The following CACNA1H variants were observed in gnomAD, a reference collection of about 807,000 sequenced individuals.
CACNA1H encodes the protein voltage-dependent T-type calcium channel subunit alpha-1H.
A neutral mutation model predicts 192.5 loss-of-function variants in CACNA1H; 149 were observed. The ratio of observed to expected loss-of-function variants is 0.77; its 90% CI spans 0.68 to 0.89. CACNA1H has a LOEUF of 0.89. Ranked by LOEUF, CACNA1H falls within the 40% of genes least tolerant of loss-of-function variation. The probability of loss-of-function intolerance (pLI) is 0.00; values close to 1 mark genes in which losing one functional copy is unlikely to be tolerated. For synonymous variants in CACNA1H, 2,202 were observed against 1,475.2 expected (o/e 1.49, Z -11.29); for missense variants, 4,257 against 3,423.5 (o/e 1.24, Z -6.08).
Position 1,188,828 on chromosome 16 carries a change from C to T in CACNA1H, c.300-6144C>T, listed in dbSNP as rs140142129. Among the ~76,000 whole-genome samples the T allele has an allele frequency of 2.1e-3, 318 of 152,340 alleles. 1 individual carries two copies. The highest frequency in any genetic ancestry group is 7.4e-3 in the African/African-American group (308 of 41,588). ...TGTCCCCCCACACCTAACCCCGGCC[C>T]TCCCAGCCCTGGTACATCCAGGACA... is the stretch of plus-strand genomic sequence containing the variant. On this transcript the variant is annotated intron_variant, in intron 2 of 34. Coordinates refer to ENST00000348261, the MANE Select transcript of CACNA1H (RefSeq NM_021098.3).
At chr16:1,169,637 C>A (rs745477106) in intron 2 of CACNA1H, among the ~76,000 whole-genome samples, 1 of 152,262 alleles carries the variant, frequency 6.6e-6, no homozygotes, top group Admixed American at 6.5e-5. Flanking sequence ...CCGGTGCTTC[C>A]CTCGGAGATC....
rs761031788 is a variant in CACNA1H at position 1,207,017 on chromosome 16, CT to C, written c.2810del (p.Phe937SerfsTer7). The C allele has an allele frequency of 6.3e-7, 1 of 1,593,198 alleles. No individual in the cohort carries two copies. Among genetic ancestry groups the C allele is most frequent in the Admixed American group, 1.7e-5 (1 of 57,342 alleles). On this transcript the variant is annotated frameshift_variant, in exon 13 of 35. Transcript: ENST00000348261. LOFTEE classifies it high-confidence loss of function. ...IFIFSILGMH[L>X]FGCKFSLKTD... ...CACCCTCAGCATCCTGGGCATGCAC[CT>C]TTTCGGCTGCAAGTTCAGCCTGAAG...
intron 6 of CACNA1H, chr16:1,199,001 C>CT (rs1967364143): frequency 1.8e-6 from 1 of 544,620 alleles, no homozygotes; most frequent in Non-Finnish European, 3.3e-6. Context: ...GCTCCGCCCA[C>CT]GGTGCAGTCG....
intron 2 of CACNA1H, among the ~76,000 whole-genome samples, chr16:1,187,413 G>T (rs1434866470): frequency 6.6e-6 from 1 of 152,222 alleles, no homozygotes; most frequent in Non-Finnish European, 1.5e-5. Context: ...CTGAGTGGGG[G>T]GCTGTGGCCC....
At chr16:1,169,613 CGGCTCCCG>C (rs974623618) in intron 2 of CACNA1H, among the ~76,000 whole-genome samples, 2 of 152,246 alleles carry the variant, frequency 1.3e-5, no homozygotes, top group South Asian at 4.1e-4. Context: ...GCCCATCAGC[CGGCTCCCG>C]GGCTCCCGGT....
At chr16:1,166,298 C>T (rs929025290) in intron 2 of CACNA1H, among the ~76,000 whole-genome samples, 1 of 152,162 alleles carries the variant, frequency 6.6e-6, no homozygotes, top group Non-Finnish European at 1.5e-5. Context: ...GAGACAGGAG[C>T]TCCCTGTGGC....
At position 1,155,431 on chromosome 16, in the gene CACNA1H, G is replaced by T. The variant is rs79329915; in HGVS notation, c.299+1395G>T. ...AGGCGGGAGGTGGTCATGCCCCTTTGTTCTGGTAGGAGGTGACTGGGTGTG... is the reference window on the plus strand; with the variant it reads ...AGGCGGGAGGTGGTCATGCCCCTTTTTTCTGGTAGGAGGTGACTGGGTGTG... On this transcript the variant is annotated intron_variant, in intron 2 of 34. Coordinates refer to ENST00000348261, the MANE Select transcript of CACNA1H (RefSeq NM_021098.3). Among the ~76,000 whole-genome samples, 1,420 of 152,294 alleles carry T rather than the reference G, an allele frequency of 9.3e-3. 29 individuals carry two copies. Among genetic ancestry groups the T allele is most frequent in the African/African-American group, 0.031 (1,305 of 41,552 alleles).
intron 2 of CACNA1H, among the ~76,000 whole-genome samples, chr16:1,187,338 C>T (rs1177437425): frequency 1.3e-5 from 2 of 152,160 alleles, no homozygotes; most frequent in African/African-American, 4.8e-5. Flanking sequence ...GAGGGGAGCA[C>T]GTGGCTAAGA....
intron 1 of CACNA1H, 62 bp from the exon 2 acceptor site, chr16:1,153,633 GGCCGCGGCTGTTCCCGCAGCTCCGC>G: frequency 2.4e-6 from 2 of 828,362 alleles, no homozygotes; most frequent in Non-Finnish European, 1.6e-6. Context: ...ACATCCCGGC[GGCCGCGGCTGTTCCCGCAGCTCCGC>G]GCCGCGGGAG....
intron 9 of CACNA1H, 97 bp from the exon 10 acceptor site, chr16:1,203,913 G>C: frequency 2.4e-6 from 2 of 847,130 alleles, no homozygotes; most frequent in East Asian, 2.7e-5. Flanking sequence ...TTCTGGGGGG[G>C]ACACATTCAC....
rs181892888 is a variant in CACNA1H, at chr16:1,204,037, C to T, written c.2030C>T (p.Ser677Leu). 551 of 1,570,902 alleles carry T rather than the reference C, an allele frequency of 3.5e-4. 3 individuals are homozygous for T. In the East Asian group the frequency reaches 1.0e-2, roughly 28 times the overall value. The change falls in exon 10 of 35, where the codon TCG becomes TTG. Residue 677 changes from serine (S) to leucine (L), a missense_variant. Transcript: ENST00000348261. ...CTGGGCCAGGCCCCTGGCCATCTGTCGGGCCTCAGTGTGCCCTGCCCCCTG... is the reference window on the plus strand; with the variant it reads ...CTGGGCCAGGCCCCTGGCCATCTGTTGGGCCTCAGTGTGCCCTGCCCCCTG... ...HGLGQAPGHLSGLSVPCPLPS... is the reference protein window; with the variant it reads ...HGLGQAPGHLLGLSVPCPLPS...
At chr16:1,160,220 C>T (rs897244845) in intron 2 of CACNA1H, 1 of 152,252 alleles carries the variant, frequency 6.6e-6, no homozygotes, top group South Asian at 2.1e-4. Context: ...CCTGCCTGTC[C>T]TCGTCAGTGG....
In CACNA1H at chr16:1,211,297, G is replaced by A. The variant is rs1969415717; in HGVS notation, c.4350+3G>A. On this transcript the variant is annotated splice_donor_region_variant and intron_variant, in intron 22 of 34. Transcript: ENST00000348261. Reference sequence around the variant, plus strand: ...TTTTTGGCATTTTGGGTGTGCAGGTGTGTGGCCCCCACGTGCCCGGGGGTC... The same window carrying A: ...TTTTTGGCATTTTGGGTGTGCAGGTATGTGGCCCCCACGTGCCCGGGGGTC... 2 of 1,612,908 alleles carry A rather than the reference G, an allele frequency of 1.2e-6. No individual in the cohort carries two copies. Among genetic ancestry groups the A allele is most frequent in the Non-Finnish European group, 1.7e-6 (2 of 1,179,692 alleles).
In CACNA1H at chr16:1,180,284, C is replaced by T. The variant is rs959574285; in HGVS notation, c.300-14688C>T. Among the ~76,000 whole-genome samples the T allele has an allele frequency of 2.0e-5, 3 of 152,220 alleles. No homozygotes were observed. Among genetic ancestry groups the T allele is most frequent in the Non-Finnish European group, 4.4e-5 (3 of 68,052 alleles). On this transcript the variant is annotated intron_variant, in intron 2 of 34. Transcript: ENST00000348261. This position sits in a 1 kb window ranked among gnomAD's most constrained non-coding sequence, Gnocchi z 4.4. ...TCACACAGATTGAGACCAGGCGTCG[C>T]CCACAGAGCATAATGTGAGGCGAGA... is the stretch of plus-strand genomic sequence containing the variant.
At chr16:1,208,736 G>T (rs567557845) in intron 16 of CACNA1H, among the ~76,000 whole-genome samples, 2 of 152,198 alleles carry the variant, frequency 1.3e-5, no homozygotes, top group East Asian at 3.9e-4. Context: ...CGCAGGCCCA[G>T]TGTGCTCCTG....
At chr16:1,216,629 G>T (rs1335239657) in intron 30 of CACNA1H, among the ~76,000 whole-genome samples, 3 of 152,252 alleles carry the variant, frequency 2.0e-5, no homozygotes, top group African/African-American at 7.2e-5. Flanking sequence ...GTGTGGAGTG[G>T]GCTCTGGGCC....
rs1555512282 is a variant in CACNA1H, at chr16:1,202,422, G to A, written c.1972G>A (p.Glu658Lys). ...GAGCTTGAACAGCCCTGATCCCTAC[G>A]AGAAGATCCCGCATGTGGTCGGGGA... ...PLSLNSPDPY[E>K]KIPHVVGEHG... Residue 658 changes from glutamate (E) to lysine (K), a missense_variant, in exon 9 of 35, where the codon GAG (glutamate) becomes AAG (lysine). Coordinates refer to ENST00000348261, the MANE Select transcript of CACNA1H (RefSeq NM_021098.3). 9 of 1,515,026 alleles carry A rather than the reference G, an allele frequency of 5.9e-6. No homozygotes were observed. The highest frequency in any genetic ancestry group is 1.4e-5 in the African/African-American group (1 of 72,348). The allele number at this position is 1,515,026 out of a possible 1,614,324, so 93.8% of individuals were successfully genotyped here.
At chr16:1,158,869 T>TCAGCCCGCACCCCC in intron 2 of CACNA1H, among the ~76,000 whole-genome samples, 2 of 148,966 alleles carry the variant, frequency 1.3e-5, no homozygotes, top group East Asian at 2.0e-4. Flanking sequence ...CCCGCACCCC[T>TCAGCCCGCACCCCC]GGCCCCGCAG....
chr16:1,202,014 C>T lies in CACNA1H; in HGVS notation c.1564C>T (p.His522Tyr). 1.3e-6 allele frequency: 2 copies of T among 1,538,120 alleles called. No individual in the cohort carries two copies. Among genetic ancestry groups the T allele is most frequent in the Non-Finnish European group, 1.7e-6 (2 of 1,143,954 alleles). ...GGTGCACCACCTGGTCTACCACCAC[C>T]ATCACCACCACCACCACCACTACCA... ...ASVHHLVYHH[H>Y]HHHHHHYHFS... The change falls in exon 9 of 35, where the codon CAT becomes TAT. Residue 522 changes from histidine (H) to tyrosine (Y), a missense_variant. Coordinates refer to ENST00000348261, the MANE Select transcript of CACNA1H (RefSeq NM_021098.3).
Sources: gnomAD v4.1 joint callset for allele counts (sites outside exome capture counted in the v4.1 genomes callset) on GRCh38, gnomAD v4.1.1 for gene constraint, Gnocchi (gnomAD v3.1) non-coding constraint, MANE v1.5 for transcripts, NCBI Gene and HGNC (gene_info 2026-07-23, HGNC 2026-07-21) for gene names.